Variants in SLC23A2 observed in about 807,000 individuals in gnomAD.
SLC23A2 encodes the protein Na(+)/L-ascorbic acid transporter 2.
In SLC23A2, 36 loss-of-function variants were observed where a neutral mutation model predicts 73.3. The ratio of observed to expected loss-of-function variants is 0.49; its 90% CI spans 0.38 to 0.65. The LOEUF (loss-of-function observed/expected upper bound fraction) is 0.65. Among genes scored for constraint, SLC23A2 ranks in the 30% least tolerant of loss-of-function variants. The pLI is 0.00. For synonymous variants in SLC23A2, 343 were observed against 327.3 expected (o/e 1.05, Z -0.52); for missense variants, 507 against 841.6 (o/e 0.60, Z 4.92).
chr20:5,003,045 A>C (rs189453651), upstream of SLC23A2, among the ~76,000 whole-genome samples: 309 of 152,344 alleles, frequency 2.0e-3, no homozygotes, highest in Non-Finnish European at 3.8e-3. Flanking sequence ...GCAAAATTCA[A>C]TAATGTCGAA....
At chr20:4,966,835 C>CAT (rs1269362016) in intron 2 of SLC23A2, among the ~76,000 whole-genome samples, 9 of 147,458 alleles carry the variant, frequency 6.1e-5, no homozygotes, top group South Asian at 2.2e-4. Flanking sequence ...CACACACACA[C>CAT]ACACACACAC....
In SLC23A2 at chr20:4,899,145, G is replaced by C. The variant is rs1371151749; in HGVS notation, c.482+410C>G. On this transcript the variant is annotated intron_variant, in intron 6 of 16. Transcript: ENST00000338244. The surrounding 1 kb of genome is among the most constrained non-coding windows in gnomAD (Gnocchi z 4.9). ...GGCTCACCCTGAGGAGGGTGTGGAA[G>C]TAGAAAGATGGCACTGGGTGTGGGG... 6.6e-6 allele frequency among the ~76,000 whole-genome samples: 1 copy of C among 152,198 alleles called. No homozygotes were observed. Among genetic ancestry groups the C allele is most frequent in the African/African-American group, 2.4e-5 (1 of 41,452 alleles).
chr20:4,955,443 T>C (rs2087271389), intron 2 of SLC23A2, among the ~76,000 whole-genome samples: 1 of 151,316 alleles, frequency 6.6e-6, no homozygotes, highest in Admixed American at 6.6e-5. Flanking sequence ...ATAAAATGAA[T>C]ATACAAAAAA....
At chr20:4,974,305 T>C (rs560814751) in intron 1 of SLC23A2, among the ~76,000 whole-genome samples, 12 of 151,970 alleles carry the variant, frequency 7.9e-5, no homozygotes, top group Non-Finnish European at 1.3e-4. Context: ...CCATCTCTAC[T>C]AAAAATACAA....
At chr20:4,928,390 C>G (rs1255163836) in intron 3 of SLC23A2, among the ~76,000 whole-genome samples, 1 of 152,162 alleles carries the variant, frequency 6.6e-6, no homozygotes, top group Non-Finnish European at 1.5e-5. Context: ...CTCCATCCCA[C>G]AAACTATTCC....
At chr20:4,866,271 C>G (rs1047206837) in intron 13 of SLC23A2, among the ~76,000 whole-genome samples, 2 of 152,152 alleles carry the variant, frequency 1.3e-5, no homozygotes, top group African/African-American at 2.4e-5. Context: ...TCACCCAGAA[C>G]AGTACAGAAA....
intron 2 of SLC23A2, among the ~76,000 whole-genome samples, chr20:4,965,920 T>C (rs1044822998): frequency 2.7e-5 from 4 of 150,004 alleles, no homozygotes; most frequent in African/African-American, 9.8e-5. Flanking sequence ...TGACCCAAGA[T>C]TGTGCCACTG....
rs8124137 is a variant in SLC23A2, at chr20:4,863,551, C to T, written c.1357-644G>A. Among the ~76,000 whole-genome samples, 19,588 of 152,226 alleles carry T rather than the reference C, an allele frequency of 0.13. 2,275 individuals are homozygous for T. The highest frequency in any genetic ancestry group is 0.31 in the African/African-American group (12,791 of 41,514). ...AAAACTGCCTGAATGGTAGCTGGCA[C>T]GCACTGAGCCATCTGAGAGCCGCCC... On this transcript the variant is annotated intron_variant, in intron 13 of 16. Transcript: ENST00000338244. This position sits in a 1 kb window ranked among gnomAD's most constrained non-coding sequence, Gnocchi z 4.8.
chr20:4,887,149 T>C (rs750543448), intron 6 of SLC23A2, among the ~76,000 whole-genome samples: 1 of 152,192 alleles, frequency 6.6e-6, no homozygotes, highest in East Asian at 1.9e-4. Flanking sequence ...GATGCATTGC[T>C]GTTGACCACT....
intron 3 of SLC23A2, among the ~76,000 whole-genome samples, chr20:4,916,699 G>C (rs1932334547): frequency 6.6e-6 from 1 of 152,074 alleles, no homozygotes; most frequent in Non-Finnish European, 1.5e-5. Flanking sequence ...TTAAACTTAG[G>C]ATTTTTTGAC....
At chr20:4,916,602 A>C (rs1932330455) in intron 3 of SLC23A2, among the ~76,000 whole-genome samples, 1 of 152,204 alleles carries the variant, frequency 6.6e-6, no homozygotes, top group Non-Finnish European at 1.5e-5. Context: ...TTTTGAAATG[A>C]GTTAGCAATT....
At chr20:4,867,320 C>A (rs1164644576) in intron 13 of SLC23A2, among the ~76,000 whole-genome samples, 1 of 152,190 alleles carries the variant, frequency 6.6e-6, no homozygotes, top group Non-Finnish European at 1.5e-5. Flanking sequence ...CTCCCTCCAC[C>A]CTTCAGGTCT....
At chr20:4,994,192 T>C (rs1331696953) in intron 1 of SLC23A2, among the ~76,000 whole-genome samples, 2 of 152,218 alleles carry the variant, frequency 1.3e-5, no homozygotes, top group Non-Finnish European at 2.9e-5. Context: ...CAGAGTTACA[T>C]GGTCTCTTGA....
intron 5 of SLC23A2, among the ~76,000 whole-genome samples, chr20:4,900,057 G>A (rs934888998): frequency 6.6e-6 from 1 of 151,516 alleles, no homozygotes; most frequent in African/African-American, 2.4e-5. Context: ...TTTTTGTAGC[G>A]ATGGGTTTTC....
intron 15 of SLC23A2, among the ~76,000 whole-genome samples, 193 bp downstream of exon 15, chr20:4,861,755 G>A (rs1691543006): frequency 6.6e-6 from 1 of 152,194 alleles, no homozygotes; most frequent in African/African-American, 2.4e-5. Flanking sequence ...TGACTGTTAT[G>A]TGTACACGCC....
chr20:4,895,536 A>G (rs1321052841), intron 6 of SLC23A2, among the ~76,000 whole-genome samples: 3 of 152,178 alleles, frequency 2.0e-5, no homozygotes, highest in Non-Finnish European at 4.4e-5. Context: ...CAAAAACACA[A>G]TAGATTCATT....
chr20:4,862,673 A>C lies in SLC23A2; in HGVS notation c.1486+105T>G. On this transcript the variant is annotated intron_variant, in intron 14 of 16. Transcript: ENST00000338244. The surrounding 1 kb of genome is among the most constrained non-coding windows in gnomAD (Gnocchi z 5.1). ...AGGCATATCCTTTGTATTTTAAAAT[A>C]GAAATTTATCGTTACCTTCTTACTG... 1 of 1,051,060 alleles carries C rather than the reference A, an allele frequency of 9.5e-7. No homozygotes were observed. The highest frequency in any genetic ancestry group is 1.4e-6 in the Non-Finnish European group (1 of 724,026). The allele number at this position is 1,051,060 out of a possible 1,614,324, so 65.1% of individuals were successfully genotyped here.
intron 2 of SLC23A2, among the ~76,000 whole-genome samples, chr20:4,943,198 C>T (rs1313809656): frequency 6.6e-6 from 1 of 151,966 alleles, no homozygotes; most frequent in Non-Finnish European, 1.5e-5. Context: ...TTTACATTTA[C>T]TCCAAGTAGA....
In SLC23A2 at chr20:4,899,288, T is replaced by C. The variant is rs549962953; in HGVS notation, c.482+267A>G. 2.5e-4 allele frequency among the ~76,000 whole-genome samples: 38 copies of C among 151,984 alleles called. 1 individual carries two copies. Among genetic ancestry groups the C allele is most frequent in the Admixed American group, 2.4e-3 (36 of 15,274 alleles). ...ACAGAGGGGTGCTGGGGAGCGAGCA[T>C]GACTTGCCAAGGGGGCAGGGGAAGG... On this transcript the variant is annotated intron_variant, in intron 6 of 16. Coordinates refer to ENST00000338244, the MANE Select transcript of SLC23A2 (RefSeq NM_005116.6). The surrounding 1 kb of genome is among the most constrained non-coding windows in gnomAD (Gnocchi z 4.9).
Sources: gnomAD v4.1 joint callset for allele counts (sites outside exome capture counted in the v4.1 genomes callset) on GRCh38, gnomAD v4.1.1 for gene constraint, Gnocchi (gnomAD v3.1) non-coding constraint, MANE v1.5 for transcripts, NCBI Gene and HGNC (gene_info 2026-07-23, HGNC 2026-07-21) for gene names.